The following SMARCC1 variants were observed in gnomAD, a reference collection of about 807,000 sequenced individuals.
The protein encoded by SMARCC1 is SWI/SNF complex subunit SMARCC1.
SMARCC1 carries 43 observed loss-of-function variants against 147.4 expected under a neutral mutation model. The ratio of observed to expected loss-of-function variants is 0.29; its 90% CI spans 0.23 to 0.38. The LOEUF (loss-of-function observed/expected upper bound fraction) is 0.38, where lower values mean the gene tolerates loss of function less well. SMARCC1 is among the 10% of genes least tolerant of loss of function. SMARCC1 has a pLI of 1.00. For synonymous variants in SMARCC1, 495 were observed against 484.4 expected (o/e 1.02, Z -0.29); for missense variants, 1,119 against 1,381.1 (o/e 0.81, Z 3.01).
At chr3:47,687,777 TAA>T (rs970623049) in intron 13 of SMARCC1, among the ~76,000 whole-genome samples, 1 of 152,052 alleles carries the variant, frequency 6.6e-6, no homozygotes, top group Non-Finnish European at 1.5e-5. Context: ...CACTTTTTAT[TAA>T]AAAAAGAGTG....
intron 6 of SMARCC1, among the ~76,000 whole-genome samples, chr3:47,725,855 A>G (rs1469377054): frequency 6.7e-6 from 1 of 148,920 alleles, no homozygotes; most frequent in African/African-American, 2.5e-5. Context: ...TGAGGTCAGG[A>G]GTTCAAGACG....
At chr3:47,638,662 A>T in intron 22 of SMARCC1, 63 bp downstream of exon 22, 1 of 1,302,796 alleles carries the variant, frequency 7.7e-7, no homozygotes, top group Non-Finnish European at 1.1e-6. Flanking sequence ...AAAACACCCA[A>T]AAAACAAACC....
At chr3:47,592,517 C>CCTA (rs1486585046) in intron 26 of SMARCC1, among the ~76,000 whole-genome samples, 1 of 152,218 alleles carries the variant, frequency 6.6e-6, no homozygotes, top group Non-Finnish European at 1.5e-5. Context: ...CAGATTTCAA[C>CCTA]CTAGGCTGTA....
intron 21 of SMARCC1, among the ~76,000 whole-genome samples, chr3:47,647,132 G>A (rs768094415): frequency 9.9e-5 from 15 of 152,124 alleles, no homozygotes; most frequent in Admixed American, 6.5e-4. Context: ...GTCAGACAGC[G>A]AAAAGAATGC....
At chr3:47,708,132 C>T (rs1233678207) in intron 9 of SMARCC1, among the ~76,000 whole-genome samples, 15 of 101,158 alleles carry the variant, frequency 1.5e-4, no homozygotes, top group Middle Eastern at 9.4e-3. Flanking sequence ...CAGGGTCTCA[C>T]TCTGACACCC....
chr3:47,701,489 T>C (rs2033917616), intron 10 of SMARCC1, 87 bp from the exon 11 acceptor site: 7 of 1,214,714 alleles, frequency 5.8e-6, no homozygotes, highest in African/African-American at 1.5e-5. Flanking sequence ...ACCTTCATTA[T>C]TTGTAGAACA....
At chr3:47,727,298 G>C (rs911847986) in intron 6 of SMARCC1, among the ~76,000 whole-genome samples, 2 of 152,074 alleles carry the variant, frequency 1.3e-5, no homozygotes, top group African/African-American at 4.8e-5. Context: ...CATGAGGTCA[G>C]GAGTTCGAGA....
intron 26 of SMARCC1, among the ~76,000 whole-genome samples, chr3:47,595,561 A>G (rs78838427): frequency 0.6 from 90,242 of 151,564 alleles, 28,156 homozygotes; most frequent in East Asian, 0.72. Context: ...AAATAAAATA[A>G]AATAAACACA....
Position 47,708,083 on chromosome 3 carries a change from C to CTT in SMARCC1, c.919-1555_919-1554dup, listed in dbSNP as rs915291740. On this transcript the variant is annotated intron_variant, in intron 9 of 27. Transcript: ENST00000254480. ...GTAAATCTGAAGTTGAATTTTTTTT[C>CTT]TTTTTTTTTTTTTTTTTTTTTTTTT... is the stretch of plus-strand genomic sequence containing the variant. 1.1e-3 allele frequency among the ~76,000 whole-genome samples: 70 copies of CTT among 64,276 alleles called. 7 individuals are homozygous for CTT. The highest frequency in any genetic ancestry group is 4.3e-3 in the African/African-American group (65 of 15,068). The allele number at this position is 64,276 out of a possible 152,430, so 42.2% of individuals were successfully genotyped here.
At chr3:47,625,226 G>A (rs1384307126) in intron 24 of SMARCC1, among the ~76,000 whole-genome samples, 2 of 149,374 alleles carry the variant, frequency 1.3e-5, no homozygotes, top group South Asian at 2.3e-4. Context: ...TCAGGAAGCC[G>A]AGGTGGGTGG....
chr3:47,726,551 C>A (rs747904640), intron 6 of SMARCC1, among the ~76,000 whole-genome samples: 22 of 152,138 alleles, frequency 1.4e-4, no homozygotes, highest in Non-Finnish European at 2.9e-4. Flanking sequence ...TTAGGTACAC[C>A]CAGTGTTGCA....
At chr3:47,675,882 T>C (rs2033565043) in intron 17 of SMARCC1, among the ~76,000 whole-genome samples, 1 of 151,614 alleles carries the variant, frequency 6.6e-6, no homozygotes. Context: ...GAGGTGGAAG[T>C]TGCAGCGAAC....
chr3:47,735,718 C>T lies in SMARCC1; in HGVS notation c.576+316G>A, dbSNP rs147466771. On this transcript the variant is annotated intron_variant, in intron 5 of 27. Transcript: ENST00000254480. The stretch of plus-strand genomic sequence containing the variant: ...GCAATGAACCGGGATTGCACCCCTA[C>T]ACTCTAGCCTGGGCGACAGCGCGAG... 5.0e-3 allele frequency among the ~76,000 whole-genome samples: 766 copies of T among 152,194 alleles called. 4 individuals are homozygous for T. Among genetic ancestry groups the T allele is most frequent in the African/African-American group, 0.013 (532 of 41,512 alleles).
chr3:47,735,407 T>C (rs2034430016), intron 5 of SMARCC1, among the ~76,000 whole-genome samples: 1 of 152,018 alleles, frequency 6.6e-6, no homozygotes, highest in South Asian at 2.1e-4. Flanking sequence ...TCAATCCTAA[T>C]ACTTTGGGAG....
chr3:47,750,342 G>A (rs895450578), intron 2 of SMARCC1, among the ~76,000 whole-genome samples: 2 of 152,158 alleles, frequency 1.3e-5, no homozygotes, highest in Non-Finnish European at 2.9e-5. Context: ...GGCTCAGGCA[G>A]GAGAATCACT....
chr3:47,672,497 C>T (rs1050794217), intron 18 of SMARCC1, among the ~76,000 whole-genome samples: 5 of 152,088 alleles, frequency 3.3e-5, no homozygotes, highest in African/African-American at 9.7e-5. Context: ...TGAGCCACCG[C>T]GTCCAGCCCC....
chr3:47,751,089 G>T (rs2034623211), intron 2 of SMARCC1, among the ~76,000 whole-genome samples: 1 of 151,760 alleles, frequency 6.6e-6, no homozygotes, highest in Non-Finnish European at 1.5e-5. Flanking sequence ...GTAGAGACAG[G>T]GTTTCACCAG....
intron 8 of SMARCC1, among the ~76,000 whole-genome samples, chr3:47,713,732 T>G (rs1013484339): frequency 3.9e-5 from 6 of 152,174 alleles, no homozygotes; most frequent in African/African-American, 1.4e-4. Flanking sequence ...AAAGTCAATG[T>G]ATGGACTCTT....
chr3:47,619,443 C>T (rs1002202865), intron 25 of SMARCC1, among the ~76,000 whole-genome samples: 3 of 152,170 alleles, frequency 2.0e-5, no homozygotes, highest in Admixed American at 6.5e-5. Context: ...TGCAATTAAG[C>T]GCTCTGTGAG....
Sources: allele counts gnomAD v4.1 joint callset (sites outside exome capture counted in the v4.1 genomes callset), GRCh38; gene constraint gnomAD v4.1.1; transcripts MANE v1.5; gene names NCBI Gene and HGNC (gene_info 2026-07-23, HGNC 2026-07-21).